PPIP5K2: variants seen among roughly 807,000 people sequenced by gnomAD.
PPIP5K2 encodes diphosphoinositol pentakisphosphate kinase 2.
PPIP5K2 carries 105 observed loss-of-function variants against 154.6 expected under a neutral mutation model. The observed-to-expected ratio is 0.68, with a 90% CI of 0.58 to 0.80. The LOEUF is 0.80. PPIP5K2 is among the 30% of genes least tolerant of loss of function. The probability of loss-of-function intolerance (pLI) is 0.00; values close to 1 mark genes in which losing one functional copy is unlikely to be tolerated. For synonymous variants in PPIP5K2, 480 were observed against 490.3 expected (o/e 0.98, Z 0.28); for missense variants, 992 against 1,504.6 (o/e 0.66, Z 5.64).
chr5:103,189,026 T>G, intron 28 of PPIP5K2: 1 of 567,782 alleles, frequency 1.8e-6, no homozygotes, highest in Non-Finnish European at 3.0e-6. Context: ...CTTTTACTTT[T>G]TATTTCCCCT....
rs1013697770 is a variant in PPIP5K2, at chr5:103,204,905, T to G, written c.*3271T>G. 15 of 152,116 alleles carry G rather than the reference T, an allele frequency of 9.9e-5. No homozygotes were observed. Among genetic ancestry groups the G allele is most frequent in the African/African-American group, 3.4e-4 (14 of 41,422 alleles). 9.4% of individuals were successfully genotyped at this position (152,116 alleles called of 1,614,324 possible). A position where few individuals can be genotyped will look rare whatever the true frequency, so the allele number is the denominator to read the frequency against. On this transcript the variant is annotated 3_prime_UTR_variant, in exon 31 of 31. Transcript: ENST00000358359. ...AGTTCTAGGGTACATGTGCACAATGTGCAGGTTTGTTACATAGGTATACAT... is the reference window on the plus strand; with the variant it reads ...AGTTCTAGGGTACATGTGCACAATGGGCAGGTTTGTTACATAGGTATACAT...
chr5:103,180,275 G>A, intron 24 of PPIP5K2, 87 bp downstream of exon 24: 1 of 1,181,996 alleles, frequency 8.5e-7, no homozygotes, highest in South Asian at 2.1e-5. Context: ...CTTTAATTGT[G>A]GAGCTTGGGA....
intron 19 of PPIP5K2, among the ~76,000 whole-genome samples, chr5:103,172,547 A>G (rs974822627): frequency 4.6e-5 from 7 of 151,410 alleles, no homozygotes; most frequent in African/African-American, 1.7e-4. Context: ...GCTTTGAACT[A>G]TAATTTTCAT....
intron 5 of PPIP5K2, among the ~76,000 whole-genome samples, chr5:103,143,084 T>A (rs1489898291): frequency 6.6e-6 from 1 of 152,188 alleles, no homozygotes; most frequent in Non-Finnish European, 1.5e-5. Context: ...TTGTCATCAA[T>A]TTAAAATAAT....
intron 16 of PPIP5K2, 49 bp downstream of exon 16, chr5:103,158,622 G>A: frequency 6.8e-7 from 1 of 1,469,650 alleles, no homozygotes; most frequent in Non-Finnish European, 9.1e-7. Context: ...ATCTAATATT[G>A]TATCTTAAAA....
At chr5:103,182,311 T>C (rs1799672191) in intron 24 of PPIP5K2, among the ~76,000 whole-genome samples, 2 of 152,190 alleles carry the variant, frequency 1.3e-5, no homozygotes, top group African/African-American at 4.8e-5. Flanking sequence ...ACAAAATCAC[T>C]GCCCTTGTTA....
chr5:103,160,727 G>A (rs1048299480), intron 17 of PPIP5K2, among the ~76,000 whole-genome samples: 4 of 152,106 alleles, frequency 2.6e-5, no homozygotes, highest in South Asian at 4.1e-4. Context: ...GTTGATCCAT[G>A]TACTACTTTA....
chr5:103,168,073 T>C lies in PPIP5K2; in HGVS notation c.2064T>C (p.Asp688=). 1 of 1,587,528 alleles carries C rather than the reference T, an allele frequency of 6.3e-7. No homozygotes were observed. Among genetic ancestry groups the C allele is most frequent in the Non-Finnish European group, 8.6e-7 (1 of 1,162,680 alleles). Reference sequence around the variant, plus strand: ...ACTAAAAATGTTATGTTGTTTTAGATATTCAGCTTTACCATAGTGAAACAT... The same window carrying C: ...ACTAAAAATGTTATGTTGTTTTAGACATTCAGCTTTACCATAGTGAAACAT... ...RHRMEDPKSS[D]IQLYHSETLE... The change falls in exon 19 of 31, where the codon GAT becomes GAC. Residue 688 remains aspartate (D), a splice_region_variant and synonymous_variant. Coordinates refer to ENST00000358359, the MANE Select transcript of PPIP5K2 (RefSeq NM_001276277.3).
chr5:103,203,091 G>C lies in PPIP5K2; in HGVS notation c.*1457G>C, dbSNP rs1554231232. Reference sequence around the variant, plus strand: ...TATATGGAGACATGTCTTGTAAACAGTTGAATGTATGTAAGTTTTCTGTTT... The same window carrying C: ...TATATGGAGACATGTCTTGTAAACACTTGAATGTATGTAAGTTTTCTGTTT... On this transcript the variant is annotated 3_prime_UTR_variant, in exon 31 of 31. Coordinates refer to ENST00000358359, the MANE Select transcript of PPIP5K2 (RefSeq NM_001276277.3). 1 of 152,538 alleles carries C rather than the reference G, an allele frequency of 6.6e-6. No individual in the cohort carries two copies. Among genetic ancestry groups the C allele is most frequent in the Non-Finnish European group, 1.5e-5 (1 of 67,988 alleles). The allele number at this position is 152,538 out of a possible 1,614,324, so 9.4% of individuals were successfully genotyped here. A position where few individuals can be genotyped will look rare whatever the true frequency, so the allele number is the denominator to read the frequency against.
At chr5:103,187,566 A>G (rs1247097183) in intron 28 of PPIP5K2, among the ~76,000 whole-genome samples, 190 bp downstream of exon 28, 1 of 152,156 alleles carries the variant, frequency 6.6e-6, no homozygotes, top group Non-Finnish European at 1.5e-5. Context: ...TGTAATTCAC[A>G]TAATAATTTA....
Position 103,173,168 on chromosome 5 carries a change from C to T in PPIP5K2, c.2300C>T (p.Thr767Ile). The change falls in exon 20 of 31, where the codon ACT becomes ATT. Residue 767 changes from threonine (T) to isoleucine (I), a missense_variant. By Grantham distance (89) the Thr-to-Ile change is moderately conservative (BLOSUM62 -1). Around this residue, in one of 9 missense-constraint regions of PPIP5K2, gnomAD observed 157 missense variants for 281.2 expected, o/e 0.56. Coordinates refer to ENST00000358359, the MANE Select transcript of PPIP5K2 (RefSeq NM_001276277.3). The stretch of plus-strand genomic sequence containing the variant: ...TTTTTTGCTCAGGAATATGGTATAA[C>T]TAAAGCTGAAAAACTGGAGATTGCC... Reference protein sequence around the residue: ...DIVIPQEYGITKAEKLEIAKG... With the variant: ...DIVIPQEYGIIKAEKLEIAKG... 2.5e-6 allele frequency: 4 copies of T among 1,605,830 alleles called. No homozygotes were observed. Among genetic ancestry groups the T allele is most frequent in the Non-Finnish European group, 2.5e-6 (3 of 1,176,498 alleles).
At chr5:103,166,292 C>T (rs1310672612) in intron 17 of PPIP5K2, among the ~76,000 whole-genome samples, 1 of 151,950 alleles carries the variant, frequency 6.6e-6, no homozygotes, top group Non-Finnish European at 1.5e-5. Flanking sequence ...AGAAAACACC[C>T]ACAAAATCTT....
At chr5:103,183,444 C>T in intron 25 of PPIP5K2, 37 bp downstream of exon 25, 1 of 1,551,308 alleles carries the variant, frequency 6.4e-7, no homozygotes, top group South Asian at 1.2e-5. Flanking sequence ...TTTTTCCTCC[C>T]TGCATTCAGA....
At chr5:103,186,285 C>T (rs529180249) in intron 26 of PPIP5K2, 35 bp from the exon 27 acceptor site, 5 of 1,612,488 alleles carry the variant, frequency 3.1e-6, no homozygotes, top group Non-Finnish European at 4.2e-6. Flanking sequence ...TGGAAGAACA[C>T]CCGTTGTGTA....
At chr5:103,159,506 C>T (rs1219807680) in intron 17 of PPIP5K2, among the ~76,000 whole-genome samples, 178 bp downstream of exon 17, 3 of 152,114 alleles carry the variant, frequency 2.0e-5, no homozygotes, top group Non-Finnish European at 4.4e-5. Flanking sequence ...CCTTTTCAAT[C>T]GCAACCCATT....
intron 8 of PPIP5K2, among the ~76,000 whole-genome samples, chr5:103,150,527 C>T (rs1239318333): frequency 6.6e-6 from 1 of 152,154 alleles, no homozygotes; most frequent in African/African-American, 2.4e-5. Flanking sequence ...AATCCCAGCA[C>T]TTTGGGGGTG....
At chr5:103,196,900 G>A (rs1374849084) in intron 30 of PPIP5K2, among the ~76,000 whole-genome samples, 2 of 151,908 alleles carry the variant, frequency 1.3e-5, no homozygotes, top group Non-Finnish European at 2.9e-5. Context: ...TAAGAAAGTG[G>A]GAAAAAGAAG....
intron 9 of PPIP5K2, 27 bp downstream of exon 9, chr5:103,151,401 A>G: frequency 6.5e-7 from 1 of 1,527,862 alleles, no homozygotes; most frequent in Non-Finnish European, 9.0e-7. Flanking sequence ...TTTTCTTTTT[A>G]CCTTCATATA....
At position 103,129,535 on chromosome 5, in the gene PPIP5K2, A is replaced by T. The variant is rs1203999442; in HGVS notation, c.-55A>T. On this transcript the variant is annotated 5_prime_UTR_variant, in exon 2 of 31. Coordinates refer to ENST00000358359, the MANE Select transcript of PPIP5K2 (RefSeq NM_001276277.3). ...TGCTTTCTTCTGATACTATTTACTTAGAGGCAGTTTTAATATAAATCATTT... is the reference window on the plus strand; with the variant it reads ...TGCTTTCTTCTGATACTATTTACTTTGAGGCAGTTTTAATATAAATCATTT... 1.4e-6 allele frequency: 2 copies of T among 1,400,538 alleles called. No homozygotes were observed. The highest frequency in any genetic ancestry group is 2.9e-5 in the African/African-American group (2 of 68,024). 86.8% of individuals were successfully genotyped at this position (1,400,538 alleles called of 1,614,324 possible).
Sources: gnomAD v4.1 joint callset for allele counts (sites outside exome capture counted in the v4.1 genomes callset) on GRCh38, gnomAD v4.1.1 for gene constraint, gnomAD v4.1.1 regional missense constraint, MANE v1.5 for transcripts, NCBI Gene and HGNC (gene_info 2026-07-23, HGNC 2026-07-21) for gene names.